The following AKR1C8 variants were observed in gnomAD, a reference collection of about 807,000 sequenced individuals.
AKR1C8 encodes the protein aldo-keto reductase family 1 member C8, also known as aldo-keto reductase family 1 member C-like protein 1.
At chr10:5,150,217 A>G in the AKR1C8 span, among the ~76,000 whole-genome samples, 3 of 152,114 alleles carry the variant, frequency 2.0e-5, no homozygotes, top group Non-Finnish European at 4.4e-5. Context: ...CCTTTCTGCA[A>G]GTGTATTTAA....
chr10:5,121,387 G>T, the AKR1C8 span, among the ~76,000 whole-genome samples: 1 of 152,126 alleles, frequency 6.6e-6, no homozygotes, highest in South Asian at 2.1e-4. Flanking sequence ...GGCCATAGGG[G>T]ACACCTCAGT....
chr10:5,163,628 A>T, the AKR1C8 span, among the ~76,000 whole-genome samples: 4 of 152,300 alleles, frequency 2.6e-5, no homozygotes, highest in South Asian at 6.2e-4. Context: ...AAGATAAAAA[A>T]GTTAGTAAGT....
chr10:5,153,998 A>G, the AKR1C8 span: 1 of 237,498 alleles, frequency 4.2e-6, no homozygotes, highest in Admixed American at 4.9e-5. Flanking sequence ...TCTTCTTGTT[A>G]AAGTCTTCAT....
chr10:5,143,212 A>C, the AKR1C8 span, among the ~76,000 whole-genome samples: 623 of 152,252 alleles, frequency 4.1e-3, 5 homozygotes, highest in African/African-American at 0.013. Context: ...TCTGATAAAC[A>C]AGCAGAGGAA....
At chr10:5,166,099 C>A in the AKR1C8 span, among the ~76,000 whole-genome samples, 28 of 151,968 alleles carry the variant, frequency 1.8e-4, no homozygotes, top group Non-Finnish European at 3.5e-4. Flanking sequence ...TTTCTCCTCC[C>A]TTGTCTAGAT....
the AKR1C8 span, among the ~76,000 whole-genome samples, chr10:5,128,276 AAGG>A: frequency 6.6e-6 from 1 of 152,202 alleles, no homozygotes; most frequent in Non-Finnish European, 1.5e-5. Flanking sequence ...GGCATGCTAT[AAGG>A]AGTTCTAAAT....
the AKR1C8 span, among the ~76,000 whole-genome samples, chr10:5,176,945 C>A: frequency 7.3e-3 from 1,114 of 152,262 alleles, 16 homozygotes; most frequent in African/African-American, 0.024. Flanking sequence ...TTGACTTCCT[C>A]TTTTCCAATT....
the AKR1C8 span, among the ~76,000 whole-genome samples, chr10:5,178,162 A>C: frequency 6.6e-6 from 1 of 152,080 alleles, no homozygotes; most frequent in East Asian, 1.9e-4. Flanking sequence ...TGTGTCCCAG[A>C]GATTCTGGTA....
chr10:5,138,392 A>C, the AKR1C8 span, among the ~76,000 whole-genome samples: 17 of 152,272 alleles, frequency 1.1e-4, no homozygotes, highest in South Asian at 2.1e-4. Flanking sequence ...GTTTGCAAAA[A>C]GAAAAATATG....
At chr10:5,140,435 G>A in the AKR1C8 span, among the ~76,000 whole-genome samples, 9 of 152,032 alleles carry the variant, frequency 5.9e-5, no homozygotes, top group Non-Finnish European at 1.3e-4. Flanking sequence ...AAGAAAATGT[G>A]GCACATATAC....
the AKR1C8 span, among the ~76,000 whole-genome samples, chr10:5,131,026 C>A: frequency 3.3e-5 from 5 of 151,744 alleles, no homozygotes; most frequent in South Asian, 2.1e-4. Context: ...AATAGAGAAC[C>A]CAGAAATGAA....
the AKR1C8 span, chr10:5,157,796 C>A: frequency 2.1e-6 from 1 of 470,402 alleles, no homozygotes; most frequent in Non-Finnish European, 4.4e-6. Context: ...CAGTCGGGAT[C>A]CACCCTGTTG....
At chr10:5,181,468 G>T in the AKR1C8 span, among the ~76,000 whole-genome samples, 1 of 151,842 alleles carries the variant, frequency 6.6e-6, no homozygotes, top group Non-Finnish European at 1.5e-5. Flanking sequence ...TAACATATTC[G>T]ACAGGCTTCC....
chr10:5,148,366 G>A, the AKR1C8 span, among the ~76,000 whole-genome samples: 2 of 152,108 alleles, frequency 1.3e-5, no homozygotes, highest in Non-Finnish European at 2.9e-5. Context: ...TGATCTTATT[G>A]TAAACCAAAA....
At chr10:5,160,456 G>T in the AKR1C8 span, among the ~76,000 whole-genome samples, 2 of 152,056 alleles carry the variant, frequency 1.3e-5, no homozygotes, top group African/African-American at 2.4e-5. Context: ...CCACCCTCCT[G>T]CTGAGTCAGT....
the AKR1C8 span, among the ~76,000 whole-genome samples, chr10:5,124,969 A>C: frequency 1.3e-5 from 2 of 152,140 alleles, no homozygotes; most frequent in African/African-American, 4.8e-5. Context: ...TCTAATTTAC[A>C]GAAAAGTACC....
At chr10:5,163,923 C>G in the AKR1C8 span, among the ~76,000 whole-genome samples, 1 of 152,026 alleles carries the variant, frequency 6.6e-6, no homozygotes, top group Non-Finnish European at 1.5e-5. Context: ...CAAGACCCAA[C>G]ATAGAAATGC....
At chr10:5,151,700 G>A in the AKR1C8 span, among the ~76,000 whole-genome samples, 2 of 151,888 alleles carry the variant, frequency 1.3e-5, no homozygotes, top group African/African-American at 4.8e-5. Context: ...GGGATTACAG[G>A]CACACACCAC....
chr10:5,122,222 G>C, the AKR1C8 span: 3 of 299,300 alleles, frequency 1.0e-5, no homozygotes, highest in Non-Finnish European at 2.1e-5. Context: ...GCTTCTACCT[G>C]GGAATCCAAG....
Sources: gnomAD v4.1 joint callset for allele counts (sites outside exome capture counted in the v4.1 genomes callset) on GRCh38, gnomAD v4.1.1 for gene constraint, MANE v1.5 for transcripts, NCBI Gene and HGNC (gene_info 2026-07-23, HGNC 2026-07-21) for gene names.